The following LARGE1 variants were observed in gnomAD, a reference collection of about 807,000 sequenced individuals.
LARGE1 encodes LARGE xylosyl- and glucuronyltransferase 1.
A neutral mutation model predicts 87.6 loss-of-function variants in LARGE1; 43 were observed. The ratio of observed to expected loss-of-function variants is 0.49; its 90% confidence interval spans 0.38 to 0.63. LARGE1 has a LOEUF of 0.63. LARGE1 is among the 30% of genes least tolerant of loss of function. The probability of loss-of-function intolerance (pLI) is 0.00; values close to 1 mark genes in which losing one functional copy is unlikely to be tolerated. For missense variants in LARGE1, 802 were observed against 1,000.2 expected, an observed-to-expected ratio of 0.80 and a Z score of 2.67; for synonymous variants, 434 against 394.6, an observed-to-expected ratio of 1.10 and a Z score of -1.18.
intron 6 of LARGE1, among the ~76,000 whole-genome samples, chr22:33,459,870 C>G (rs1212594499): frequency 1.3e-5 from 2 of 152,116 alleles, no homozygotes; most frequent in Non-Finnish European, 2.9e-5. Flanking sequence ...CCCAATAGCA[C>G]CCAAGAACAA....
At chr22:33,317,792 A>G (rs954011540) in intron 10 of LARGE1, among the ~76,000 whole-genome samples, 2 of 152,198 alleles carry the variant, frequency 1.3e-5, no homozygotes, top group Non-Finnish European at 2.9e-5. Flanking sequence ...CACAGTGACA[A>G]AAATTGGACT....
the LARGE1 span, among the ~76,000 whole-genome samples, chr22:33,111,094 G>A: frequency 2.0e-3 from 308 of 152,294 alleles, 2 homozygotes; most frequent in Middle Eastern, 0.024. Flanking sequence ...CTAGGCACCA[G>A]TGACTTTTGA....
chr22:33,826,030 C>A (rs2062772861), intron 1 of LARGE1, among the ~76,000 whole-genome samples: 1 of 152,086 alleles, frequency 6.6e-6, no homozygotes, highest in Non-Finnish European at 1.5e-5. Flanking sequence ...CTGTCCAGAT[C>A]ACATTTCAAC....
chr22:33,429,634 C>T (rs947488375), intron 7 of LARGE1, among the ~76,000 whole-genome samples: 7 of 152,130 alleles, frequency 4.6e-5, no homozygotes, highest in Non-Finnish European at 1.0e-4. Context: ...TGAGGCACTG[C>T]AGTATATTTC....
At chr22:33,170,558 G>A (rs563953143) in intron 11 of LARGE1, among the ~76,000 whole-genome samples, 1 of 152,212 alleles carries the variant, frequency 6.6e-6, no homozygotes, top group South Asian at 2.1e-4. Flanking sequence ...CAATGAGGGA[G>A]ATATCATAAG....
chr22:33,683,238 G>A (rs575155895), intron 2 of LARGE1, among the ~76,000 whole-genome samples: 19 of 152,306 alleles, frequency 1.2e-4, no homozygotes, highest in African/African-American at 3.6e-4. Context: ...CCTCCCTAAC[G>A]GGGAGGGGCT....
intron 11 of LARGE1, among the ~76,000 whole-genome samples, chr22:33,244,123 G>A (rs971239476): frequency 6.6e-6 from 1 of 151,862 alleles, no homozygotes; most frequent in Non-Finnish European, 1.5e-5. Context: ...CAAATAGCTG[G>A]GATTACAGGC....
At chr22:33,868,779 T>C (rs1460518684) in intron 1 of LARGE1, among the ~76,000 whole-genome samples, 4 of 152,168 alleles carry the variant, frequency 2.6e-5, no homozygotes, top group African/African-American at 9.7e-5. Flanking sequence ...CATCATGCAT[T>C]TACTGTATGT....
chr22:33,309,394 T>C (rs2146227440), intron 11 of LARGE1, among the ~76,000 whole-genome samples: 1 of 152,310 alleles, frequency 6.6e-6, no homozygotes, highest in African/African-American at 2.4e-5. Context: ...CTGGAGCTCC[T>C]GACCTCAGGT....
intron 1 of LARGE1, among the ~76,000 whole-genome samples, chr22:33,764,541 T>C (rs981168162): frequency 1.3e-5 from 2 of 152,140 alleles, no homozygotes; most frequent in East Asian, 1.9e-4. Context: ...GCAGATCACC[T>C]GAGGTCAGGA....
At chr22:33,801,493 T>C (rs1246915120) in intron 1 of LARGE1, among the ~76,000 whole-genome samples, 1 of 152,218 alleles carries the variant, frequency 6.6e-6, no homozygotes, top group Non-Finnish European at 1.5e-5. Context: ...ATTTCCCATC[T>C]GTGTATTTTC....
chr22:33,221,614 G>C (rs530552889), intron 11 of LARGE1: 1 of 152,296 alleles, frequency 6.6e-6, no homozygotes, highest in South Asian at 2.1e-4. Context: ...CCAAAAGATG[G>C]ATTTATATCG....
chr22:33,709,353 T>C lies in LARGE1; in HGVS notation c.106+52018A>G, dbSNP rs76250843. On this transcript the variant is annotated intron_variant, in intron 2 of 14. Transcript: ENST00000397394. ...AGGTTGCTGGCGTCAGGCCCTGTTT[T>C]ACAAATAAGAGAGCCAAAGCTGAGG... Among the ~76,000 whole-genome samples, 13 of 152,214 alleles carry C rather than the reference T, an allele frequency of 8.5e-5. No individual in the cohort carries two copies. In the East Asian group the frequency reaches 2.5e-3, roughly 30 times the overall value.
chr22:33,585,415 G>C (rs2078642961), intron 5 of LARGE1, among the ~76,000 whole-genome samples: 1 of 152,184 alleles, frequency 6.6e-6, no homozygotes, highest in South Asian at 2.1e-4. Context: ...CCTGAAGACA[G>C]GTCATGGGCC....
the LARGE1 span, among the ~76,000 whole-genome samples, chr22:33,111,686 T>A: frequency 1.3e-5 from 2 of 152,228 alleles, no homozygotes; most frequent in Admixed American, 1.3e-4. Context: ...TGCATTTGCA[T>A]CCCACCTCTG....
At chr22:33,326,397 G>T (rs2146425348) in intron 10 of LARGE1, among the ~76,000 whole-genome samples, 1 of 152,274 alleles carries the variant, frequency 6.6e-6, no homozygotes, top group South Asian at 2.1e-4. Context: ...AATGAAGCCA[G>T]TCACTAATTA....
intron 1 of LARGE1, among the ~76,000 whole-genome samples, chr22:33,914,230 T>C (rs1438796255): frequency 6.6e-6 from 1 of 152,152 alleles, no homozygotes. Context: ...TCAAACTAAG[T>C]CACTTTGCAT....
At chr22:33,279,461 T>A (rs1930013026) in intron 13 of LARGE1, among the ~76,000 whole-genome samples, 1 of 152,204 alleles carries the variant, frequency 6.6e-6, no homozygotes, top group African/African-American at 2.4e-5. Flanking sequence ...AACTGCTTCC[T>A]TCTTTTGCTT....
chr22:33,405,061 C>T (rs1367302026), intron 7 of LARGE1, among the ~76,000 whole-genome samples: 2 of 152,160 alleles, frequency 1.3e-5, no homozygotes, highest in South Asian at 2.1e-4. Flanking sequence ...GTCATGGGAC[C>T]GTCCTAAGCT....
Sources: allele counts gnomAD v4.1 joint callset (sites outside exome capture counted in the v4.1 genomes callset), GRCh38; gene constraint gnomAD v4.1.1; transcripts MANE v1.5; gene names NCBI Gene and HGNC (gene_info 2026-07-23, HGNC 2026-07-21).